The following AGBL4 variants were observed in gnomAD, a reference collection of about 807,000 sequenced individuals.
AGBL4 encodes AGBL carboxypeptidase 4, also known as cytosolic carboxypeptidase 6.
A neutral mutation model predicts 66.4 loss-of-function variants in AGBL4; 58 were observed. The observed-to-expected ratio is 0.87, with a 90% CI of 0.71 to 1.09. The LOEUF (loss-of-function observed/expected upper bound fraction) is 1.09. Among genes scored for constraint, AGBL4 ranks in the 50% least tolerant of loss-of-function variants. The pLI is 0.00. For missense variants in AGBL4, 579 were observed against 631.0 expected (o/e 0.92, Z 0.88); for synonymous variants, 234 against 222.9 (o/e 1.05, Z -0.44).
intron 5 of AGBL4, among the ~76,000 whole-genome samples, chr1:48,958,187 C>G (rs1657655817): frequency 6.6e-6 from 1 of 152,106 alleles, no homozygotes; most frequent in African/African-American, 2.4e-5. Flanking sequence ...CCACTCTCTT[C>G]CTCTTCTTCA....
chr1:48,616,353 AT>A (rs1280844793), intron 9 of AGBL4, among the ~76,000 whole-genome samples: 1 of 152,210 alleles, frequency 6.6e-6, no homozygotes, highest in Non-Finnish European at 1.5e-5. Flanking sequence ...TAACCTCTCC[AT>A]TGAACAAATG....
the AGBL4 span, among the ~76,000 whole-genome samples, chr1:48,527,680 A>G: frequency 6.6e-6 from 1 of 152,156 alleles, no homozygotes; most frequent in Admixed American, 6.5e-5. Context: ...AACTGCTAAG[A>G]CTGGGAGGAT....
rs149572775 is a variant in AGBL4 at position 49,509,558 on chromosome 1, G to A, written c.282+187755C>T. Among the ~76,000 whole-genome samples, 9 of 151,960 alleles carry A rather than the reference G, an allele frequency of 5.9e-5. No homozygotes were observed. The East Asian group carries it at 1.6e-3, about 26-fold the overall frequency. On this transcript the variant is annotated intron_variant, in intron 3 of 13. Coordinates refer to ENST00000371839, the MANE Select transcript of AGBL4 (RefSeq NM_032785.4). The stretch of plus-strand genomic sequence containing the variant: ...TGCAGCTAGAAATAAGGACACCAGG[G>A]AGGCCTCTAAATACCAAGGTGAAAA...
intron 2 of AGBL4, among the ~76,000 whole-genome samples, chr1:49,797,460 G>T (rs886566881): frequency 1.3e-5 from 2 of 152,144 alleles, no homozygotes; most frequent in African/African-American, 4.8e-5. Flanking sequence ...TAGAGACAGG[G>T]TCTTGCTCTG....
At chr1:49,771,479 G>T (rs1183366671) in intron 2 of AGBL4, among the ~76,000 whole-genome samples, 1 of 151,958 alleles carries the variant, frequency 6.6e-6, no homozygotes, top group African/African-American at 2.4e-5. Context: ...TGCAACTGTT[G>T]GATTGTTCTG....
intron 2 of AGBL4, among the ~76,000 whole-genome samples, chr1:49,835,614 A>G (rs975157943): frequency 6.6e-6 from 1 of 152,194 alleles, no homozygotes; most frequent in African/African-American, 2.4e-5. Flanking sequence ...TCCTGTCATT[A>G]TGATGCTACC....
chr1:48,573,076 C>T (rs987809565), intron 11 of AGBL4, among the ~76,000 whole-genome samples: 1 of 152,238 alleles, frequency 6.6e-6, no homozygotes, highest in African/African-American at 2.4e-5. Context: ...GGCCCAGCGC[C>T]TCCTCTAGGC....
At chr1:49,714,802 T>C (rs1240203726) in intron 2 of AGBL4, among the ~76,000 whole-genome samples, 1 of 151,870 alleles carries the variant, frequency 6.6e-6, no homozygotes, top group East Asian at 1.9e-4. Flanking sequence ...AGGAATGGGA[T>C]TACTAGATTC....
chr1:48,974,393 C>T (rs906028557), intron 5 of AGBL4, among the ~76,000 whole-genome samples: 21 of 152,216 alleles, frequency 1.4e-4, no homozygotes, highest in South Asian at 8.3e-4. Flanking sequence ...GCAGCTGGGA[C>T]CCTCAGTCAA....
chr1:49,482,463 G>C (rs1646975806), intron 3 of AGBL4, among the ~76,000 whole-genome samples: 1 of 151,696 alleles, frequency 6.6e-6, no homozygotes, highest in East Asian at 1.9e-4. Context: ...ATTTCTGTGG[G>C]GTCAGTGGTA....
chr1:49,278,374 G>T (rs368576664), intron 3 of AGBL4, among the ~76,000 whole-genome samples: 1 of 152,106 alleles, frequency 6.6e-6, no homozygotes, highest in Non-Finnish European at 1.5e-5. Context: ...AACAAACAGG[G>T]CAGTAAATCT....
At chr1:49,404,201 GA>G (rs1645147197) in intron 3 of AGBL4, among the ~76,000 whole-genome samples, 1 of 152,068 alleles carries the variant, frequency 6.6e-6, no homozygotes, top group Non-Finnish European at 1.5e-5. Flanking sequence ...AAATAATTAA[GA>G]TTAAATGAGG....
chr1:49,382,367 T>C (rs759901979), intron 3 of AGBL4, among the ~76,000 whole-genome samples: 1 of 151,730 alleles, frequency 6.6e-6, no homozygotes, highest in Non-Finnish European at 1.5e-5. Flanking sequence ...TAAAAAGCAA[T>C]CAGTATAATA....
intron 1 of AGBL4, among the ~76,000 whole-genome samples, chr1:49,852,686 A>G (rs1166150587): frequency 6.6e-6 from 1 of 152,174 alleles, no homozygotes; most frequent in Non-Finnish European, 1.5e-5. Context: ...CTGAAGGAGC[A>G]GCAGGAAACA....
intron 1 of AGBL4, among the ~76,000 whole-genome samples, chr1:49,911,820 C>T (rs1650862731): frequency 6.6e-6 from 1 of 152,180 alleles, no homozygotes; most frequent in Admixed American, 6.5e-5. Flanking sequence ...CACAATAGTG[C>T]ACTGGTGAAA....
chr1:48,789,048 T>G (rs1001789824), intron 6 of AGBL4, among the ~76,000 whole-genome samples: 1 of 152,102 alleles, frequency 6.6e-6, no homozygotes, highest in African/African-American at 2.4e-5. Context: ...ACTTGGAAAG[T>G]GATTGTTGTT....
chr1:48,552,596 C>T (rs956629271), intron 11 of AGBL4, among the ~76,000 whole-genome samples: 8 of 152,134 alleles, frequency 5.3e-5, no homozygotes, highest in African/African-American at 1.7e-4. Context: ...TAGCAGCATC[C>T]GTGGTTTCTC....
chr1:49,236,717 T>A (rs917713100), intron 4 of AGBL4, among the ~76,000 whole-genome samples: 6 of 152,104 alleles, frequency 3.9e-5, no homozygotes, highest in African/African-American at 1.4e-4. Flanking sequence ...TAGTTCTATG[T>A]CATCTTGTCA....
At chr1:49,085,100 A>T (rs928117549) in intron 4 of AGBL4, among the ~76,000 whole-genome samples, 2 of 152,300 alleles carry the variant, frequency 1.3e-5, no homozygotes, top group Middle Eastern at 3.4e-3. Context: ...GTAAAAAAAA[A>T]TAACCTACGC....
Sources: gnomAD v4.1 joint callset for allele counts (sites outside exome capture counted in the v4.1 genomes callset) on GRCh38, gnomAD v4.1.1 for gene constraint, MANE v1.5 for transcripts, NCBI Gene and HGNC (gene_info 2026-07-23, HGNC 2026-07-21) for gene names.